The following GALR2 variants were observed in gnomAD, a reference collection of about 807,000 sequenced individuals.
GALR2 encodes the protein galanin receptor 2, also known as galanin receptor type 2.
GALR2 carries 5 observed loss-of-function variants against 7.2 expected under a neutral mutation model. That is an observed-to-expected ratio of 0.69 (90% CI 0.36 to 1.45). The LOEUF is 1.45. Ranked by LOEUF, GALR2 falls within the 40% of genes most tolerant of loss-of-function variation. The pLI, the probability that GALR2 is intolerant of heterozygous loss-of-function variation, is 0.03. For synonymous variants in GALR2, 300 were observed against 263.9 expected (o/e 1.14, Z -1.32); for missense variants, 561 against 555.7 (o/e 1.01, Z -0.10).
In GALR2 at chr17:76,075,017, T is replaced by C; in HGVS notation, c.134T>C (p.Leu45Pro). 1 of 1,609,554 alleles carries C rather than the reference T, an allele frequency of 6.2e-7. No individual in the cohort carries two copies. Among genetic ancestry groups the C allele is most frequent in the South Asian group, 1.1e-5 (1 of 90,982 alleles). Residue 45 changes from leucine to proline, a missense_variant, in exon 1 of 2, where the codon CTG (leucine) becomes CCG (proline). Leu to Pro is a moderately conservative substitution (Grantham distance 98). Coordinates refer to ENST00000329003, the MANE Select transcript of GALR2 (RefSeq NM_003857.4). This position sits in a 1 kb window ranked among gnomAD's most constrained non-coding sequence, Gnocchi z 5.9. ...CTCGTGGGCACCGTGGGCAACACGC[T>C]GGTGCTGGCGGTGCTGCTGCGCGGC... is the stretch of plus-strand genomic sequence containing the variant. ...IFLVGTVGNT[L>P]VLAVLLRGGQ...
In GALR2 at chr17:76,076,259, G is replaced by A. The variant is rs939084473; in HGVS notation, c.369-377G>A. On this transcript the variant is annotated intron_variant, in intron 1 of 1. Transcript: ENST00000329003. This position sits in a 1 kb window ranked among gnomAD's most constrained non-coding sequence, Gnocchi z 6.5. Reference sequence around the variant, plus strand: ...CCTCCGCCCTCCCTCCCGCGGCACCGTCACCAGTGGGTAGTCACAGCCTCC... The same window carrying A: ...CCTCCGCCCTCCCTCCCGCGGCACCATCACCAGTGGGTAGTCACAGCCTCC... 2.0e-5 allele frequency among the ~76,000 whole-genome samples: 3 copies of A among 152,168 alleles called. No homozygotes were observed. Among genetic ancestry groups the A allele is most frequent in the African/African-American group, 7.2e-5 (3 of 41,434 alleles).
chr17:76,077,374 C>A lies in GALR2; in HGVS notation c.1107C>A (p.Gly369=). The A allele has an allele frequency of 6.9e-7, 1 of 1,457,720 alleles. No homozygotes were observed. Among genetic ancestry groups the A allele is most frequent in the Non-Finnish European group, 9.0e-7 (1 of 1,109,340 alleles). 90.3% of individuals were successfully genotyped at this position (1,457,720 alleles called of 1,614,324 possible). The part of the protein sequence containing the change: ...SQPCILEPCP[G]PSWQGPKAGD... The stretch of plus-strand genomic sequence containing the variant: ...CATGCATCCTCGAGCCCTGTCCTGG[C>A]CCGTCCTGGCAGGGCCCAAAGGCAG... The change falls in exon 2 of 2, where the codon GGC becomes GGA. Residue 369 remains glycine, a synonymous_variant. Transcript: ENST00000329003.
rs748478431 is a variant in GALR2, at chr17:76,077,430, G to C, written c.1163G>C (p.Ter388SerextTer?). 11 of 1,447,040 alleles carry C rather than the reference G, an allele frequency of 7.6e-6. No individual in the cohort carries two copies. In the East Asian group the frequency reaches 2.2e-4, roughly 30 times the overall value. 89.6% of individuals were successfully genotyped at this position (1,447,040 alleles called of 1,614,324 possible). A position where few individuals can be genotyped will look rare whatever the true frequency, so the allele number is the denominator to read the frequency against. ...AGCATCCTGACGGTTGATGTGGCCT[G>C]AAAGCACTTAGCGGGCGCGCTGGGA... ...GDSILTVDVA[*>S] is the part of the protein sequence containing the mutation. The change falls in exon 2 of 2, where the codon TGA (stop) becomes TCA (serine). Residue 388 changes from the stop codon to serine, a stop_lost. Coordinates refer to ENST00000329003, the MANE Select transcript of GALR2 (RefSeq NM_003857.4).
At chr17:76,072,473 C>T (rs778761206), upstream of GALR2, 1 of 1,582,692 alleles carries the variant, frequency 6.3e-7, no homozygotes, top group South Asian at 1.1e-5. The surrounding 1 kb of genome is among the most constrained non-coding windows in gnomAD (Gnocchi z 4.5). Context: ...CCGCCTGGGA[C>T]CTGCTTCTCA....
In GALR2 at chr17:76,074,826, C is replaced by T; in HGVS notation, c.-58C>T. On this transcript the variant is annotated 5_prime_UTR_variant, in exon 1 of 2. Transcript: ENST00000329003. This position sits in a 1 kb window ranked among gnomAD's most constrained non-coding sequence, Gnocchi z 6.7. ...AGCGGCCGCAGCCCCGGGAGCTTCC[C>T]GCTCGCGGAGACCCAGACGGCTGCA... 8.4e-6 allele frequency: 12 copies of T among 1,437,040 alleles called. No homozygotes were observed. Among genetic ancestry groups the T allele is most frequent in the Middle Eastern group, 2.6e-4 (1 of 3,916 alleles). 89.0% of individuals were successfully genotyped at this position (1,437,040 alleles called of 1,614,324 possible).
At position 76,075,523 on chromosome 17, in the gene GALR2, C is replaced by CG. The variant is rs1567941072; in HGVS notation, c.368+273dup. On this transcript the variant is annotated intron_variant, in intron 1 of 1. Transcript: ENST00000329003. This position sits in a 1 kb window ranked among gnomAD's most constrained non-coding sequence, Gnocchi z 5.9. ...CAACGCGCAGCGTTTCCCAGTACGA[C>CG]GCGTTTGTGCGCGTTCATCTCGCTT... Among the ~76,000 whole-genome samples, 2 of 152,228 alleles carry CG rather than the reference C, an allele frequency of 1.3e-5. No individual in the cohort carries two copies.
chr17:76,071,974 C>T (rs1471390473), upstream of GALR2: 1 of 436,006 alleles, frequency 2.3e-6, no homozygotes, highest in African/African-American at 2.1e-5. This position sits in a 1 kb window ranked among gnomAD's most constrained non-coding sequence, Gnocchi z 4.7. Flanking sequence ...CTCCCCAGTT[C>T]AGTGGCTCAA....
Position 76,075,152 on chromosome 17 carries a change from G to T in GALR2, c.269G>T (p.Gly90Val), listed in dbSNP as rs2066882553. 6.2e-7 allele frequency: 1 copy of T among 1,612,288 alleles called. No homozygotes were observed. The highest frequency in any genetic ancestry group is 8.5e-7 in the Non-Finnish European group (1 of 1,179,826). The change falls in exon 1 of 2, where the codon GGC becomes GTC. Residue 90 changes from glycine (G) to valine (V), a missense_variant. Gly to Val is a moderately radical substitution (Grantham distance 109). Coordinates refer to ENST00000329003, the MANE Select transcript of GALR2 (RefSeq NM_003857.4). This position sits in a 1 kb window ranked among gnomAD's most constrained non-coding sequence, Gnocchi z 5.9. Reference protein sequence around the residue: ...PFQATIYTLDGWVFGSLLCKA... With the variant: ...PFQATIYTLDVWVFGSLLCKA... The stretch of plus-strand genomic sequence containing the variant: ...CAGGCCACCATCTACACCCTGGACG[G>T]CTGGGTGTTCGGCTCGCTGCTGTGC...
upstream of GALR2, chr17:76,072,402 TCCACCGCCGCTA>T (rs1374266864): frequency 2.5e-6 from 4 of 1,586,874 alleles, no homozygotes; most frequent in African/African-American, 2.7e-5. The surrounding 1 kb of genome is among the most constrained non-coding windows in gnomAD (Gnocchi z 4.5). Context: ...CGGCACCACG[TCCACCGCCGCTA>T]CCGCCGCCGC....
chr17:76,072,208 T>C, upstream of GALR2: 1 of 1,575,590 alleles, frequency 6.3e-7, no homozygotes, highest in Non-Finnish European at 8.5e-7. This position sits in a 1 kb window ranked among gnomAD's most constrained non-coding sequence, Gnocchi z 4.5. Flanking sequence ...ACCCTCGGCC[T>C]CTCCTGCCAG....
rs769776280 is a variant in GALR2, at chr17:76,076,910, T to A, written c.643T>A (p.Trp215Arg). Reference protein sequence around the residue: ...LTYARTLRYLWRAVDPVAAGS... With the variant: ...LTYARTLRYLRRAVDPVAAGS... ...CTACGCGCGCACCTTGCGCTACCTC[T>A]GGCGCGCCGTCGACCCGGTGGCCGC... is the stretch of plus-strand genomic sequence containing the variant. Residue 215 changes from tryptophan to arginine, a missense_variant, in exon 2 of 2, where the codon TGG becomes AGG. Coordinates refer to ENST00000329003, the MANE Select transcript of GALR2 (RefSeq NM_003857.4). The surrounding 1 kb of genome is among the most constrained non-coding windows in gnomAD (Gnocchi z 6.5). The A allele has an allele frequency of 1.2e-6, 2 of 1,602,220 alleles. No homozygotes were observed. The highest frequency in any genetic ancestry group is 1.7e-5 in the Admixed American group (1 of 59,852).
Position 76,077,499 on chromosome 17 carries a change from T to G in GALR2, c.*68T>G. The G allele has an allele frequency of 7.6e-7, 1 of 1,323,092 alleles. No homozygotes were observed. Among genetic ancestry groups the G allele is most frequent in the Non-Finnish European group, 1.0e-6 (1 of 996,894 alleles). The allele number at this position is 1,323,092 out of a possible 1,614,324, so 82.0% of individuals were successfully genotyped here. ...ATTGTTGGGGGACCGTGGGGAGAGC[T>G]TTGCCTGTTAATAAAACGCACAAAC... On this transcript the variant is annotated 3_prime_UTR_variant, in exon 2 of 2. Transcript: ENST00000329003.
rs2066895613 is a variant in GALR2 at position 76,077,250 on chromosome 17, G to GCACCCA, written c.986_991dup (p.Thr329_His330dup). 6.2e-7 allele frequency: 1 copy of GCACCCA among 1,604,424 alleles called. No homozygotes were observed. The highest frequency in any genetic ancestry group is 8.5e-7 in the Non-Finnish European group (1 of 1,177,182). Reference sequence around the variant, plus strand: ...GGCCGTGTGTGCGCTGCCGCGCGGGGCACCCACAGTGGCAGCGTGTTGGAG... The same window carrying GCACCCA: ...GGCCGTGTGTGCGCTGCCGCGCGGGGCACCCACACCCACAGTGGCAGCGTGTTGGAG... On this transcript the variant is annotated inframe_insertion, in exon 2 of 2. Coordinates refer to ENST00000329003, the MANE Select transcript of GALR2 (RefSeq NM_003857.4).
In GALR2 at chr17:76,076,636, G is replaced by GT; in HGVS notation, c.370dup (p.Tyr124LeufsTer262). 6.3e-7 allele frequency: 1 copy of GT among 1,574,980 alleles called. No homozygotes were observed. Among genetic ancestry groups the GT allele is most frequent in the East Asian group, 2.2e-5 (1 of 44,494 alleles). The stretch of plus-strand genomic sequence containing the variant: ...GTCTCCCTTCCCGGTCTGACCGCAG[G>GT]TATCTGGCCATCCGCTACCCGCTGC... On this transcript the variant is annotated frameshift_variant and splice_region_variant, in exon 2 of 2. Transcript: ENST00000329003. LOFTEE classifies it low-confidence loss of function (END_TRUNC). This position sits in a 1 kb window ranked among gnomAD's most constrained non-coding sequence, Gnocchi z 6.5.
At chr17:76,072,929 C>T (rs1156290295), upstream of GALR2, among the ~76,000 whole-genome samples, 1 of 152,292 alleles carries the variant, frequency 6.6e-6, no homozygotes, top group East Asian at 1.9e-4. This position sits in a 1 kb window ranked among gnomAD's most constrained non-coding sequence, Gnocchi z 4.5. Flanking sequence ...CGGGACACCC[C>T]GTCCGTAAGG....
In GALR2 at chr17:76,077,279, G is replaced by A. The variant is rs780558089; in HGVS notation, c.1012G>A (p.Glu338Lys). The A allele has an allele frequency of 1.3e-6, 2 of 1,599,484 alleles. No individual in the cohort carries two copies. Among genetic ancestry groups the A allele is most frequent in the Non-Finnish European group, 1.7e-6 (2 of 1,177,034 alleles). Residue 338 changes from glutamate (E) to lysine (K), a missense_variant, in exon 2 of 2, where the codon GAG (glutamate) becomes AAG (lysine). Physicochemically the swap from Glu to Lys is moderately conservative, Grantham distance 56. Transcript: ENST00000329003. ...GTHSGSVLER[E>K]SSDLLHMSEA... ...CCACAGTGGCAGCGTGTTGGAGCGC[G>A]AGTCCAGCGACCTGTTGCACATGAG...
upstream of GALR2, chr17:76,072,489 C>G: frequency 6.3e-7 from 1 of 1,583,000 alleles, no homozygotes; most frequent in South Asian, 1.1e-5. The surrounding 1 kb of genome is among the most constrained non-coding windows in gnomAD (Gnocchi z 4.5). Flanking sequence ...TCTCAGCAGC[C>G]ATCTTGCCCC....
upstream of GALR2, chr17:76,072,663 C>T (rs759859310): frequency 8.1e-5 from 107 of 1,317,052 alleles, no homozygotes; most frequent in Non-Finnish European, 1.1e-4. The surrounding 1 kb of genome is among the most constrained non-coding windows in gnomAD (Gnocchi z 4.5). Flanking sequence ...GGGATCCTGT[C>T]ATCCCGGGTC....
chr17:76,072,325 TC>T, upstream of GALR2: 1 of 1,612,334 alleles, frequency 6.2e-7, no homozygotes, highest in South Asian at 1.1e-5. The surrounding 1 kb of genome is among the most constrained non-coding windows in gnomAD (Gnocchi z 4.5). Context: ...ACTCAGGCTA[TC>T]CCCAAATTCT....
Sources: gnomAD v4.1 joint callset for allele counts (sites outside exome capture counted in the v4.1 genomes callset) on GRCh38, gnomAD v4.1.1 for gene constraint, Gnocchi (gnomAD v3.1) non-coding constraint, MANE v1.5 for transcripts, NCBI Gene and HGNC (gene_info 2026-07-23, HGNC 2026-07-21) for gene names.